The following RIN3 variants were observed in gnomAD, a reference collection of about 807,000 sequenced individuals.
RIN3 encodes Ras and Rab interactor 3, also known as RAB5 interacting protein 3.
Under a neutral mutation model 76.3 loss-of-function variants are expected in RIN3, and 54 were observed. The observed-to-expected ratio is 0.71, with a 90% CI of 0.57 to 0.89. RIN3 has a LOEUF of 0.89. Among genes scored for constraint, RIN3 ranks in the 40% least tolerant of loss-of-function variants. The pLI, the probability that RIN3 is intolerant of heterozygous loss-of-function variation, is 0.00. For synonymous variants in RIN3, 576 were observed against 564.0 expected, an observed-to-expected ratio of 1.02 and a Z score of -0.30; for missense variants, 1,256 against 1,322.1, an observed-to-expected ratio of 0.95 and a Z score of 0.78.
At chr14:92,621,673 G>T (rs1259699943) in intron 4 of RIN3, among the ~76,000 whole-genome samples, 4 of 152,212 alleles carry the variant, frequency 2.6e-5, no homozygotes, top group Non-Finnish European at 5.9e-5. Flanking sequence ...AAAAACCAAG[G>T]TTCTTTTGAA....
intron 7 of RIN3, among the ~76,000 whole-genome samples, chr14:92,666,038 A>ACCTCCACCACTGACCTATTT (rs1888088341): frequency 6.6e-6 from 1 of 151,100 alleles, no homozygotes; most frequent in African/African-American, 2.5e-5. Flanking sequence ...AGTCCCGCCT[A>ACCTCCACCACTGACCTATTT]CCTCCACCAC....
At chr14:92,533,015 A>G (rs1896920202) in intron 1 of RIN3, among the ~76,000 whole-genome samples, 1 of 152,232 alleles carries the variant, frequency 6.6e-6, no homozygotes, top group South Asian at 2.1e-4. Context: ...CAGATGGCAC[A>G]GGACTGGATT....
At chr14:92,636,046 AT>A (rs781698198) in intron 4 of RIN3, among the ~76,000 whole-genome samples, 28 of 152,210 alleles carry the variant, frequency 1.8e-4, no homozygotes, top group Admixed American at 4.6e-4. Context: ...GGGGCAAGCC[AT>A]TTAGTCCCTC....
intron 1 of RIN3, among the ~76,000 whole-genome samples, chr14:92,516,811 G>T (rs1896455710): frequency 6.6e-6 from 1 of 152,168 alleles, no homozygotes; most frequent in Non-Finnish European, 1.5e-5. Flanking sequence ...CACTGAAGCT[G>T]CAAGTGTGAA....
At position 92,531,932 on chromosome 14, in the gene RIN3, C is replaced by CT. The variant is rs535083345; in HGVS notation, c.44+17970dup. 1.6e-3 allele frequency among the ~76,000 whole-genome samples: 222 copies of CT among 142,654 alleles called. 1 individual carries two copies. Among genetic ancestry groups the CT allele is most frequent in the East Asian group, 4.5e-3 (22 of 4,926 alleles). 93.6% of individuals were successfully genotyped at this position (142,654 alleles called of 152,430 possible). A position where few individuals can be genotyped will look rare whatever the true frequency, so the allele number is the denominator to read the frequency against. Reference sequence around the variant, plus strand: ...TGGAGGCAAGTCTCCCATCTCTTATCTTTTTTTTTTTTTTGAGACTGAGTC... The same window carrying CT: ...TGGAGGCAAGTCTCCCATCTCTTATCTTTTTTTTTTTTTTTGAGACTGAGTC... On this transcript the variant is annotated intron_variant, in intron 1 of 9. Transcript: ENST00000216487.
intron 6 of RIN3, 27 bp downstream of exon 6, chr14:92,653,102 G>A (rs1204445822): frequency 1.3e-6 from 2 of 1,580,262 alleles, no homozygotes; most frequent in Admixed American, 3.4e-5. Flanking sequence ...GAGGTGGCAG[G>A]GAGGAGAGGG....
chr14:92,590,687 C>T (rs1884948902), intron 3 of RIN3, among the ~76,000 whole-genome samples: 1 of 152,158 alleles, frequency 6.6e-6, no homozygotes, highest in East Asian at 1.9e-4. Flanking sequence ...ATACCAGAGC[C>T]TAACCTGCCT....
chr14:92,677,423 G>C (rs1888506318), intron 8 of RIN3, among the ~76,000 whole-genome samples: 1 of 152,182 alleles, frequency 6.6e-6, no homozygotes, highest in African/African-American at 2.4e-5. Context: ...TTCCCCTTGG[G>C]CTTTGTGGTT....
intron 3 of RIN3, among the ~76,000 whole-genome samples, chr14:92,577,758 G>A (rs368781965): frequency 6.6e-6 from 1 of 152,282 alleles, no homozygotes; most frequent in East Asian, 1.9e-4. Flanking sequence ...ATGCAGGGAC[G>A]CTGGAGAAAG....
At chr14:92,679,300 C>T (rs577695183) in intron 8 of RIN3, among the ~76,000 whole-genome samples, 10 of 152,242 alleles carry the variant, frequency 6.6e-5, no homozygotes, top group East Asian at 1.9e-4. Flanking sequence ...TGTCTGACCA[C>T]GGCAGTGTCA....
intron 2 of RIN3, chr14:92,576,492 G>A: frequency 9.3e-7 from 1 of 1,071,070 alleles, no homozygotes; most frequent in South Asian, 1.3e-5. Flanking sequence ...CAGGACTTGG[G>A]ATCTGCATGC....
intron 1 of RIN3, among the ~76,000 whole-genome samples, chr14:92,549,311 A>G (rs868686293): frequency 1.4e-4 from 21 of 152,184 alleles, no homozygotes; most frequent in Middle Eastern, 3.4e-3. Flanking sequence ...AAGTCTATAC[A>G]GGAAGGCCTC....
chr14:92,530,196 G>T (rs1326302615), intron 1 of RIN3, among the ~76,000 whole-genome samples: 1 of 152,202 alleles, frequency 6.6e-6, no homozygotes, highest in Non-Finnish European at 1.5e-5. Context: ...GGGTTAAGAA[G>T]TGCCCAGTCT....
chr14:92,624,229 A>G (rs1180574151), intron 4 of RIN3, among the ~76,000 whole-genome samples: 1 of 152,350 alleles, frequency 6.6e-6, no homozygotes, highest in East Asian at 1.9e-4. Flanking sequence ...ATGAAGAGAC[A>G]ATGGTCTGGT....
At chr14:92,601,745 C>T (rs1226825596) in intron 3 of RIN3, among the ~76,000 whole-genome samples, 3 of 152,164 alleles carry the variant, frequency 2.0e-5, no homozygotes, top group Admixed American at 2.0e-4. Context: ...CCCAGCATCT[C>T]CCCTGACTCC....
At chr14:92,582,009 G>C (rs1418881759) in intron 3 of RIN3, among the ~76,000 whole-genome samples, 3 of 152,186 alleles carry the variant, frequency 2.0e-5, no homozygotes, top group Non-Finnish European at 4.4e-5. Flanking sequence ...TGGAGGACGA[G>C]GAAACTGATC....
intron 3 of RIN3, among the ~76,000 whole-genome samples, chr14:92,608,227 T>C (rs569431824): frequency 7.2e-5 from 11 of 152,354 alleles, no homozygotes; most frequent in Admixed American, 5.9e-4. Context: ...TTTCCGGGTT[T>C]TGACATTGTG....
chr14:92,576,654 C>T (rs1898244598), intron 2 of RIN3, among the ~76,000 whole-genome samples: 5 of 152,148 alleles, frequency 3.3e-5, no homozygotes, highest in Admixed American at 3.3e-4. Flanking sequence ...CTCAGTCAGT[C>T]ATCACACCAG....
intron 8 of RIN3, among the ~76,000 whole-genome samples, chr14:92,678,952 C>T (rs1888571573): frequency 6.6e-6 from 1 of 152,212 alleles, no homozygotes; most frequent in Non-Finnish European, 1.5e-5. Flanking sequence ...CAGGGACATC[C>T]TTGGGCCAGC....
Sources: gnomAD v4.1 joint callset for allele counts (sites outside exome capture counted in the v4.1 genomes callset) on GRCh38, gnomAD v4.1.1 for gene constraint, MANE v1.5 for transcripts, NCBI Gene and HGNC (gene_info 2026-07-23, HGNC 2026-07-21) for gene names.